FABP12: variants seen among roughly 807,000 people sequenced by gnomAD.
FABP12 encodes the protein fatty acid-binding protein 12.
A neutral mutation model predicts 13.7 loss-of-function variants in FABP12; 19 were observed. That is an observed-to-expected ratio of 1.39 (90% CI 0.97 to 2.04). The LOEUF is 2.04. Ranked by LOEUF, FABP12 falls within the 30% of genes most tolerant of loss-of-function variation. FABP12 has a pLI of 0.00. For missense variants in FABP12, 182 were observed against 164.2 expected (o/e 1.11, Z -0.59); for synonymous variants, 61 against 57.0 (o/e 1.07, Z -0.32).
chr8:81,580,559 CAA>C lies in FABP12; in HGVS notation c.-185+9492_-185+9493del, dbSNP rs35431061. Among the ~76,000 whole-genome samples the C allele has an allele frequency of 7.4e-4, 112 of 151,710 alleles. No individual in the cohort carries two copies. The East Asian group carries it at 0.013, about 18-fold the overall frequency. On this transcript the variant is annotated intron_variant, in intron 1 of 5. Transcript: ENST00000692030. The stretch of plus-strand genomic sequence containing the variant: ...TGTTGGTAAAAATATAGACTTATCA[CAA>C]AAAAAAAATAAAGGAAGAACTAGCA...
intron 1 of FABP12, among the ~76,000 whole-genome samples, chr8:81,553,396 A>G (rs1809554447): frequency 6.6e-6 from 1 of 152,194 alleles, no homozygotes. Flanking sequence ...ACACAGTGCT[A>G]TTGTATCAAT....
At chr8:81,578,295 G>A (rs1485944245) in intron 1 of FABP12, among the ~76,000 whole-genome samples, 1 of 152,078 alleles carries the variant, frequency 6.6e-6, no homozygotes, top group African/African-American at 2.4e-5. Context: ...TCGACAAGTA[G>A]CAATTGAGCA....
At chr8:81,563,712 A>C (rs1470742355) in intron 1 of FABP12, among the ~76,000 whole-genome samples, 1 of 152,226 alleles carries the variant, frequency 6.6e-6, no homozygotes, top group Non-Finnish European at 1.5e-5. Flanking sequence ...TCTTGAAGGC[A>C]GGCTATTTGA....
chr8:81,532,186 G>C (rs1016654414), intron 1 of FABP12, among the ~76,000 whole-genome samples: 1 of 152,218 alleles, frequency 6.6e-6, no homozygotes, highest in South Asian at 2.1e-4. Flanking sequence ...AGCTAGAGAA[G>C]AGGGGACTCC....
chr8:81,562,329 G>A (rs1809737427), intron 1 of FABP12, among the ~76,000 whole-genome samples: 1 of 152,198 alleles, frequency 6.6e-6, no homozygotes, highest in Non-Finnish European at 1.5e-5. Flanking sequence ...CTTCAGGGGT[G>A]ACCCAGTCTT....
intron 1 of FABP12, among the ~76,000 whole-genome samples, chr8:81,551,501 T>C (rs1285226899): frequency 6.6e-6 from 1 of 152,176 alleles, no homozygotes; most frequent in Non-Finnish European, 1.5e-5. Flanking sequence ...GGTGAAATAC[T>C]CGTTTTATAA....
At chr8:81,531,152 T>C (rs11985337) in intron 2 of FABP12, 91 bp downstream of exon 2, 214,799 of 838,198 alleles carry the variant, frequency 0.26, 33,750 homozygotes, top group African/African-American at 0.68. Flanking sequence ...ATTAGGGAGT[T>C]CAAGATTAAT....
At chr8:81,586,687 G>A (rs1436304386) in intron 1 of FABP12, among the ~76,000 whole-genome samples, 1 of 151,828 alleles carries the variant, frequency 6.6e-6, no homozygotes, top group Non-Finnish European at 1.5e-5. Flanking sequence ...TTTTTAATGG[G>A]GCTGTTTGGT....
intron 1 of FABP12, among the ~76,000 whole-genome samples, chr8:81,576,986 A>G (rs1810059369): frequency 6.6e-6 from 1 of 152,254 alleles, no homozygotes; most frequent in African/African-American, 2.4e-5. Context: ...CCACCTCAAT[A>G]GAACCAGGAA....
At chr8:81,539,950 G>T (rs1290085409) in intron 1 of FABP12, among the ~76,000 whole-genome samples, 4 of 152,176 alleles carry the variant, frequency 2.6e-5, no homozygotes, top group Non-Finnish European at 4.4e-5. Flanking sequence ...TAACCTCATG[G>T]TTCTCAAGCC....
chr8:81,555,026 G>A (rs114550546), intron 1 of FABP12, among the ~76,000 whole-genome samples: 2,185 of 151,940 alleles, frequency 0.014, 44 homozygotes, highest in African/African-American at 0.049. Flanking sequence ...ATGTTTTCTT[G>A]CTACAAATTA....
At chr8:81,541,436 GT>G in intron 1 of FABP12, among the ~76,000 whole-genome samples, 1 of 152,214 alleles carries the variant, frequency 6.6e-6, no homozygotes, top group East Asian at 1.9e-4. Flanking sequence ...ATACATATCA[GT>G]TTCGATTATT....
At chr8:81,546,314 T>C (rs951156505) in intron 1 of FABP12, among the ~76,000 whole-genome samples, 1 of 151,922 alleles carries the variant, frequency 6.6e-6, no homozygotes, top group Admixed American at 6.6e-5. Context: ...AGCACCAGAG[T>C]TTAGTTTCTG....
At chr8:81,584,551 G>T (rs887434747) in intron 1 of FABP12, among the ~76,000 whole-genome samples, 1 of 146,336 alleles carries the variant, frequency 6.8e-6, no homozygotes, top group Non-Finnish European at 1.5e-5. Flanking sequence ...CATTGCCCTA[G>T]ATTAGGAACA....
rs543982884 is a variant in FABP12 at position 81,550,176 on chromosome 8, C to T, written c.-184-10433G>A. ...TTATTAAAGAAATATGTATTGGGTACCTACCTTAAATCCCACACAGTGCCA... is the reference window on the plus strand; with the variant it reads ...TTATTAAAGAAATATGTATTGGGTATCTACCTTAAATCCCACACAGTGCCA... On this transcript the variant is annotated intron_variant, in intron 1 of 5. Transcript: ENST00000692030. Among the ~76,000 whole-genome samples, 20 of 152,260 alleles carry T rather than the reference C, an allele frequency of 1.3e-4. No homozygotes were observed. In the South Asian group the frequency reaches 2.1e-3, roughly 16 times the overall value.
intron 1 of FABP12, among the ~76,000 whole-genome samples, chr8:81,574,086 G>A (rs879529122): frequency 6.6e-6 from 1 of 152,006 alleles, no homozygotes; most frequent in Non-Finnish European, 1.5e-5. Flanking sequence ...GTTGGCTGTG[G>A]GTTTGTCATA....
chr8:81,551,675 C>A (rs745451825), intron 1 of FABP12, among the ~76,000 whole-genome samples: 16 of 152,062 alleles, frequency 1.1e-4, no homozygotes, highest in Non-Finnish European at 1.3e-4. Flanking sequence ...TTTGCAGTTA[C>A]AGTAACCATA....
chr8:81,568,089 G>GT (rs1809861327), intron 1 of FABP12, among the ~76,000 whole-genome samples: 1 of 149,940 alleles, frequency 6.7e-6, no homozygotes, highest in South Asian at 2.1e-4. Flanking sequence ...CGCCACTGCA[G>GT]TCCGCAGTCC....
intron 1 of FABP12, among the ~76,000 whole-genome samples, chr8:81,562,837 C>G (rs746258715): frequency 1.3e-5 from 2 of 152,168 alleles, no homozygotes; most frequent in Non-Finnish European, 2.9e-5. Flanking sequence ...GCACAGGATC[C>G]GGGGGAACTT....
Sources: gnomAD v4.1 joint callset for allele counts (sites outside exome capture counted in the v4.1 genomes callset) on GRCh38, gnomAD v4.1.1 for gene constraint, MANE v1.5 for transcripts, NCBI Gene and HGNC (gene_info 2026-07-23, HGNC 2026-07-21) for gene names.